The following CFAP54 variants were observed in gnomAD, a reference collection of about 807,000 sequenced individuals.
CFAP54 encodes the protein cilia- and flagella-associated protein 54.
A neutral mutation model predicts 370.4 loss-of-function variants in CFAP54; 290 were observed. The observed-to-expected ratio is 0.78, with a 90% CI of 0.71 to 0.86. The LOEUF (loss-of-function observed/expected upper bound fraction) is 0.86. Ranked by LOEUF, CFAP54 falls within the 40% of genes least tolerant of loss-of-function variation. The probability of loss-of-function intolerance (pLI) is 0.00; values close to 1 mark genes in which losing one functional copy is unlikely to be tolerated. For missense variants in CFAP54, 3,399 were observed against 3,528.7 expected (o/e 0.96, Z 0.93); for synonymous variants, 1,206 against 1,236.5 (o/e 0.98, Z 0.52).
chr12:96,833,506 ACG>A (rs752790363), intron 66 of CFAP54, among the ~76,000 whole-genome samples: 266 of 96,162 alleles, frequency 2.8e-3, no homozygotes, highest in South Asian at 0.016. Context: ...ACACACGCGT[ACG>A]TGTGTGTGTG....
chr12:96,719,490 T>A (rs534702196), intron 49 of CFAP54, among the ~76,000 whole-genome samples: 1 of 152,352 alleles, frequency 6.6e-6, no homozygotes, highest in Admixed American at 6.5e-5. Context: ...CTCATTATCT[T>A]CACATTACCA....
chr12:96,764,212 G>A lies in CFAP54; in HGVS notation c.8102G>A (p.Ser2701Asn), dbSNP rs78978129. Residue 2701 changes from serine to asparagine, a missense_variant, in exon 59 of 68, where the codon AGT (serine) becomes AAT (asparagine). By Grantham distance (46) the Ser-to-Asn change is conservative. Coordinates refer to ENST00000524981, the MANE Select transcript of CFAP54 (RefSeq NM_001306084.2). ...TCAGCAAATAAATTTGAAATGTACA[G>A]TTCATTAGCCTGGATTGCAATAAGA... ...ETSANKFEMY[S>N]SLAWIAIRAA... The A allele has an allele frequency of 7.9e-4, 1,278 of 1,613,162 alleles. 6 individuals are homozygous for A. In the African/African-American group the frequency reaches 0.016, roughly 20 times the overall value.
chr12:96,858,440 G>T (rs1959775836), intron 66 of CFAP54, among the ~76,000 whole-genome samples: 1 of 152,084 alleles, frequency 6.6e-6, no homozygotes, highest in Non-Finnish European at 1.5e-5. Context: ...CCATTCTCTA[G>T]GTTGTCTGTT....
chr12:96,650,740 T>C (rs1196012006), intron 35 of CFAP54, among the ~76,000 whole-genome samples: 1 of 152,060 alleles, frequency 6.6e-6, no homozygotes, highest in African/African-American at 2.4e-5. Context: ...GGAAGACAGG[T>C]TCTCATATGC....
chr12:96,709,391 A>G (rs1418158383), intron 48 of CFAP54, among the ~76,000 whole-genome samples: 3 of 152,228 alleles, frequency 2.0e-5, no homozygotes, highest in Non-Finnish European at 4.4e-5. Flanking sequence ...TTTATGGGCC[A>G]CAGGGAAATT....
chr12:96,601,980 ATTTC>A (rs1433328415), intron 26 of CFAP54, among the ~76,000 whole-genome samples: 2 of 151,450 alleles, frequency 1.3e-5, no homozygotes, highest in African/African-American at 4.9e-5. Context: ...GATCTTAGTT[ATTTC>A]TTGTCTTCTG....
At chr12:96,834,393 C>T (rs929507260) in intron 66 of CFAP54, among the ~76,000 whole-genome samples, 4 of 152,244 alleles carry the variant, frequency 2.6e-5, no homozygotes, top group Admixed American at 1.3e-4. Flanking sequence ...GCTTGGCTCA[C>T]GCTACTGACC....
At chr12:96,734,976 T>G (rs543888213) in intron 50 of CFAP54, among the ~76,000 whole-genome samples, 104 of 152,232 alleles carry the variant, frequency 6.8e-4, no homozygotes, top group Non-Finnish European at 9.0e-4. Context: ...TGATAAATGG[T>G]CAAATACCAT....
intron 66 of CFAP54, among the ~76,000 whole-genome samples, chr12:96,842,658 A>G (rs982823044): frequency 5.3e-5 from 8 of 152,170 alleles, no homozygotes; most frequent in African/African-American, 1.9e-4. Flanking sequence ...CATTAGCCCA[A>G]AGTGCTTTGT....
chr12:96,633,098 G>A (rs1412599033), intron 32 of CFAP54, among the ~76,000 whole-genome samples: 3 of 152,064 alleles, frequency 2.0e-5, no homozygotes, highest in Admixed American at 2.0e-4. Context: ...TTTATTTGTA[G>A]ATACAGTTTT....
At chr12:96,564,257 T>C (rs1389432849) in intron 17 of CFAP54, among the ~76,000 whole-genome samples, 1 of 152,218 alleles carries the variant, frequency 6.6e-6, no homozygotes, top group Non-Finnish European at 1.5e-5. Context: ...TAATTTGGAA[T>C]TTCTTCTGTC....
At chr12:96,847,536 A>G (rs1222067020) in intron 66 of CFAP54, among the ~76,000 whole-genome samples, 1 of 152,248 alleles carries the variant, frequency 6.6e-6, no homozygotes, top group African/African-American at 2.4e-5. Context: ...CTGTGCCAGG[A>G]ACCCAGGACA....
chr12:96,588,774 C>T (rs1019859783), intron 22 of CFAP54, among the ~76,000 whole-genome samples: 1 of 152,084 alleles, frequency 6.6e-6, no homozygotes, highest in Non-Finnish European at 1.5e-5. Context: ...TTAGGAACGT[C>T]TTTAAAGAAA....
chr12:96,819,570 C>T (rs1959009446), intron 65 of CFAP54, among the ~76,000 whole-genome samples: 1 of 151,962 alleles, frequency 6.6e-6, no homozygotes, highest in African/African-American at 2.4e-5. Context: ...TCTTCTTTTC[C>T]CTTCTCTTCT....
chr12:96,668,184 C>T lies in CFAP54; in HGVS notation c.5563+4252C>T, dbSNP rs561770627. Among the ~76,000 whole-genome samples, 150 of 152,308 alleles carry T rather than the reference C, an allele frequency of 9.8e-4. 1 individual carries two copies. The highest frequency in any genetic ancestry group is 1.7e-3 in the Non-Finnish European group (115 of 68,018). On this transcript the variant is annotated intron_variant, in intron 39 of 67. Coordinates refer to ENST00000524981, the MANE Select transcript of CFAP54 (RefSeq NM_001306084.2). ...CTCTAGGAAGTTCCAAAGTTTCCCA[C>T]AATTTCCTGTCTTCTTCCGAGCCCT...
At chr12:96,836,036 CA>C (rs1959185131) in intron 66 of CFAP54, among the ~76,000 whole-genome samples, 1 of 152,172 alleles carries the variant, frequency 6.6e-6, no homozygotes, top group Admixed American at 6.5e-5. Context: ...GAAAGATAGC[CA>C]CAGCACAAGT....
At chr12:96,682,576 A>G (rs1397935973) in intron 40 of CFAP54, among the ~76,000 whole-genome samples, 1 of 152,010 alleles carries the variant, frequency 6.6e-6, no homozygotes, top group Non-Finnish European at 1.5e-5. Flanking sequence ...GAGTTTTGCC[A>G]TGTTGCCCAG....
At chr12:96,846,187 T>C (rs1959339206) in intron 66 of CFAP54, among the ~76,000 whole-genome samples, 1 of 152,232 alleles carries the variant, frequency 6.6e-6, no homozygotes, top group African/African-American at 2.4e-5. Context: ...TCACAGAGAA[T>C]GAGGAATAGA....
chr12:96,780,998 C>T (rs1014628103), intron 60 of CFAP54, among the ~76,000 whole-genome samples: 2 of 151,988 alleles, frequency 1.3e-5, no homozygotes, highest in African/African-American at 2.4e-5. Context: ...TTTGAGAATG[C>T]GCCCCAGCAC....
Sources: gnomAD v4.1 joint callset for allele counts (sites outside exome capture counted in the v4.1 genomes callset) on GRCh38, gnomAD v4.1.1 for gene constraint, MANE v1.5 for transcripts, NCBI Gene and HGNC (gene_info 2026-07-23, HGNC 2026-07-21) for gene names.